CHLSN: variants seen among roughly 807,000 people sequenced by gnomAD.
CHLSN encodes the protein protein cholesin.
the CHLSN span, among the ~76,000 whole-genome samples, chr7:1,053,992 G>A: frequency 6.6e-6 from 1 of 152,210 alleles, no homozygotes; most frequent in African/African-American, 2.4e-5. Context: ...AAGGAGACTT[G>A]TCCACCCAGG....
chr7:1,068,267 C>T, the CHLSN span, among the ~76,000 whole-genome samples: 4 of 152,104 alleles, frequency 2.6e-5, no homozygotes, highest in East Asian at 1.9e-4. Context: ...ACCCCTGGCA[C>T]GGAGGCTGGA....
At chr7:1,022,837 A>C in the CHLSN span, 6,724 of 334,732 alleles carry the variant, frequency 0.02, 103 homozygotes, top group Non-Finnish European at 0.031. Flanking sequence ...ATACCGAATA[A>C]AACACACTGC....
chr7:1,089,139 T>G, the CHLSN span, among the ~76,000 whole-genome samples: 18 of 152,292 alleles, frequency 1.2e-4, no homozygotes, highest in African/African-American at 4.3e-4. Flanking sequence ...CTCTGTGCCG[T>G]TTTTAAGAAA....
At chr7:1,051,901 C>T in the CHLSN span, among the ~76,000 whole-genome samples, 3 of 152,170 alleles carry the variant, frequency 2.0e-5, no homozygotes, top group Admixed American at 6.5e-5. Context: ...TCGCTTGAGC[C>T]CAGGAGGCAG....
the CHLSN span, among the ~76,000 whole-genome samples, chr7:1,062,992 C>A: frequency 2.0e-5 from 3 of 152,330 alleles, no homozygotes; most frequent in East Asian, 3.9e-4. Context: ...TGAACCCTAA[C>A]CCTTACAGAA....
At chr7:1,064,765 C>A in the CHLSN span, among the ~76,000 whole-genome samples, 2 of 152,142 alleles carry the variant, frequency 1.3e-5, no homozygotes, top group Admixed American at 6.5e-5. Context: ...CCCATGGACA[C>A]GAGGGAGACT....
chr7:1,087,063 A>G, the CHLSN span: 1 of 152,274 alleles, frequency 6.6e-6, no homozygotes, highest in Non-Finnish European at 1.5e-5. Flanking sequence ...GCGGCGAGTG[A>G]AAATTCAAAT....
At chr7:1,133,761 A>AC in the CHLSN span, among the ~76,000 whole-genome samples, 1 of 151,864 alleles carries the variant, frequency 6.6e-6, no homozygotes, top group East Asian at 1.9e-4. Context: ...CAAAAAAAAA[A>AC]AAAAACACCC....
chr7:1,057,467 G>T, the CHLSN span: 3 of 711,240 alleles, frequency 4.2e-6, no homozygotes, highest in South Asian at 3.1e-5. Context: ...GACGCGAGCT[G>T]ACCACCTGTT....
chr7:1,013,543 C>T, the CHLSN span, among the ~76,000 whole-genome samples: 2 of 152,214 alleles, frequency 1.3e-5, no homozygotes, highest in Non-Finnish European at 2.9e-5. Flanking sequence ...CCCCTCTAGG[C>T]CCAGTGTCCA....
the CHLSN span, among the ~76,000 whole-genome samples, chr7:1,019,149 G>T: frequency 1.5e-5 from 2 of 136,862 alleles, no homozygotes; most frequent in African/African-American, 2.7e-5. Flanking sequence ...AGCCAAGATC[G>T]CGCCATTGCA....
At chr7:1,136,391 T>TATATAAATATATATAAAC in the CHLSN span, among the ~76,000 whole-genome samples, 2 of 28,762 alleles carry the variant, frequency 7.0e-5, no homozygotes, top group African/African-American at 6.1e-4. Context: ...TATATAAACA[T>TATATAAATATATATAAAC]ATATATAAAT....
At chr7:1,128,035 C>G in the CHLSN span, among the ~76,000 whole-genome samples, 3 of 28,478 alleles carry the variant, frequency 1.1e-4, no homozygotes, top group East Asian at 4.9e-4. Context: ...GATCTCGGCT[C>G]ATCCCACCGT....
the CHLSN span, among the ~76,000 whole-genome samples, chr7:1,030,729 A>AG: frequency 4.2e-5 from 4 of 95,946 alleles, no homozygotes; most frequent in South Asian, 2.8e-4. Flanking sequence ...CTCCCGGGGC[A>AG]GGGGGGGACT....
At chr7:1,004,669 G>A in the CHLSN span, among the ~76,000 whole-genome samples, 144 of 152,296 alleles carry the variant, frequency 9.5e-4, no homozygotes, top group African/African-American at 3.3e-3. Flanking sequence ...TGGCTCCCAC[G>A]GCACTGGGCG....
chr7:1,095,067 C>T, the CHLSN span, among the ~76,000 whole-genome samples: 4 of 151,328 alleles, frequency 2.6e-5, no homozygotes, highest in Non-Finnish European at 4.4e-5. Context: ...GAACACCGTG[C>T]GTGGCTTGAG....
the CHLSN span, among the ~76,000 whole-genome samples, chr7:1,112,731 C>T: frequency 6.7e-6 from 1 of 150,166 alleles, no homozygotes; most frequent in African/African-American, 2.4e-5. Context: ...AAAGAAAAAG[C>T]GATCACACCA....
the CHLSN span, among the ~76,000 whole-genome samples, chr7:1,123,022 T>G: frequency 2.0e-4 from 30 of 151,972 alleles, no homozygotes; most frequent in African/African-American, 6.5e-4. The surrounding 1 kb of genome is among the most constrained non-coding windows in gnomAD (Gnocchi z 4.4). Flanking sequence ...TCCCCAGCAC[T>G]CCAGGCCAGC....
the CHLSN span, among the ~76,000 whole-genome samples, chr7:1,049,796 C>T: frequency 3.9e-5 from 6 of 152,222 alleles, no homozygotes; most frequent in Admixed American, 1.3e-4. Flanking sequence ...GGACTGTTTT[C>T]GGTCAAATTT....
Sources: gnomAD v4.1 joint callset for allele counts (sites outside exome capture counted in the v4.1 genomes callset) on GRCh38, gnomAD v4.1.1 for gene constraint, Gnocchi (gnomAD v3.1) non-coding constraint, MANE v1.5 for transcripts, NCBI Gene and HGNC (gene_info 2026-07-23, HGNC 2026-07-21) for gene names.